RNF130: variants seen among roughly 807,000 people sequenced by gnomAD.
The protein encoded by RNF130 is E3 ubiquitin-protein ligase RNF130.
Under a neutral mutation model 44.6 loss-of-function variants are expected in RNF130, and 21 were observed. The observed-to-expected ratio is 0.47, with a 90% confidence interval of 0.33 to 0.68. The LOEUF is 0.68. Ranked by LOEUF, RNF130 falls within the 30% of genes least tolerant of loss-of-function variation. RNF130 has a pLI of 0.02. For missense variants in RNF130, 479 were observed against 560.6 expected, an observed-to-expected ratio of 0.85 and a Z score of 1.47; for synonymous variants, 214 against 210.4, an observed-to-expected ratio of 1.02 and a Z score of -0.15.
intron 1 of RNF130, among the ~76,000 whole-genome samples, chr5:180,050,129 G>A (rs1488930324): frequency 6.6e-6 from 1 of 152,182 alleles, no homozygotes; most frequent in Non-Finnish European, 1.5e-5. Context: ...CCTATGTCTA[G>A]CTCTATCTAG....
intron 3 of RNF130, among the ~76,000 whole-genome samples, chr5:180,009,818 AT>A (rs989843548): frequency 1.3e-5 from 2 of 152,238 alleles, no homozygotes; most frequent in Non-Finnish European, 2.9e-5. Context: ...CAGCTGCTTT[AT>A]TTGTAATAGC....
At position 179,977,131 on chromosome 5, in the gene RNF130, A is replaced by G. The variant is rs1288251875; in HGVS notation, c.848+1072T>C. On this transcript the variant is annotated intron_variant, in intron 5 of 8. Coordinates refer to ENST00000521389, the MANE Select transcript of RNF130 (RefSeq NM_018434.6). The surrounding 1 kb of genome is among the most constrained non-coding windows in gnomAD (Gnocchi z 4.1). ...GAATTGTGCGACCCTGGAACCTGCTATCGGCTCACCATCCTTCACTGTACA... is the reference window on the plus strand; with the variant it reads ...GAATTGTGCGACCCTGGAACCTGCTGTCGGCTCACCATCCTTCACTGTACA... The G allele has an allele frequency of 6.6e-6, 1 of 152,312 alleles. No homozygotes were observed. The highest frequency in any genetic ancestry group is 1.5e-5 in the Non-Finnish European group (1 of 68,098). The allele number at this position is 152,312 out of a possible 1,614,324, so 9.4% of individuals were successfully genotyped here. A position where few individuals can be genotyped will look rare whatever the true frequency, so the allele number is the denominator to read the frequency against.
At chr5:179,943,626 C>T (rs1425335361) in intron 7 of RNF130, among the ~76,000 whole-genome samples, 1 of 152,188 alleles carries the variant, frequency 6.6e-6, no homozygotes, top group African/African-American at 2.4e-5. Flanking sequence ...ATTTCATACA[C>T]AGAAAAGGTG....
intron 7 of RNF130, among the ~76,000 whole-genome samples, chr5:179,933,279 A>G (rs969299193): frequency 2.0e-5 from 3 of 147,170 alleles, no homozygotes; most frequent in African/African-American, 8.2e-5. Flanking sequence ...TCAATTTATT[A>G]CCTAGATGTA....
At chr5:179,988,676 G>T (rs1017730672) in intron 3 of RNF130, among the ~76,000 whole-genome samples, 4 of 152,196 alleles carry the variant, frequency 2.6e-5, no homozygotes, top group Admixed American at 1.3e-4. Flanking sequence ...TGATCATGTT[G>T]TTTAGTTTCC....
chr5:180,044,116 A>G (rs753888863), intron 1 of RNF130, among the ~76,000 whole-genome samples: 5 of 152,216 alleles, frequency 3.3e-5, no homozygotes, highest in Admixed American at 2.0e-4. Context: ...GTGAAGACAT[A>G]TTATGGTGTA....
At chr5:180,009,991 T>C (rs1243745912) in intron 3 of RNF130, among the ~76,000 whole-genome samples, 2 of 152,168 alleles carry the variant, frequency 1.3e-5, no homozygotes, top group South Asian at 2.1e-4. Flanking sequence ...CTCACGCCTG[T>C]AATCCCAGCA....
intron 5 of RNF130, among the ~76,000 whole-genome samples, chr5:179,974,795 C>A (rs1020433436): frequency 6.6e-6 from 1 of 152,216 alleles, no homozygotes; most frequent in African/African-American, 2.4e-5. Context: ...GAGCAGCCAG[C>A]CAAGAGAACG....
At chr5:180,006,528 G>A (rs1156773099) in intron 3 of RNF130, among the ~76,000 whole-genome samples, 1 of 152,034 alleles carries the variant, frequency 6.6e-6, no homozygotes, top group Admixed American at 6.6e-5. Context: ...CACATGTTAT[G>A]GCAAGAAGCT....
chr5:180,010,471 T>C (rs1763567126), intron 3 of RNF130, among the ~76,000 whole-genome samples: 1 of 152,016 alleles, frequency 6.6e-6, no homozygotes, highest in South Asian at 2.1e-4. Flanking sequence ...GCAATTCTCG[T>C]GCTTCAGCCT....
chr5:179,965,710 C>T (rs1762426599), intron 7 of RNF130, among the ~76,000 whole-genome samples: 1 of 152,128 alleles, frequency 6.6e-6, no homozygotes, highest in African/African-American at 2.4e-5. Flanking sequence ...GAGAAATGAG[C>T]CAAACTACAC....
chr5:180,065,559 G>A (rs574712383), intron 1 of RNF130, among the ~76,000 whole-genome samples: 1 of 152,108 alleles, frequency 6.6e-6, no homozygotes, highest in African/African-American at 2.4e-5. Flanking sequence ...AGGAGATCGA[G>A]ACCATCCTGG....
intron 1 of RNF130, among the ~76,000 whole-genome samples, chr5:180,061,146 G>C (rs1283857997): frequency 6.6e-6 from 1 of 150,680 alleles, no homozygotes; most frequent in African/African-American, 2.5e-5. Flanking sequence ...AGTAAAGACT[G>C]TGGGTGACGC....
chr5:180,034,741 T>C (rs1764209771), intron 2 of RNF130, among the ~76,000 whole-genome samples: 1 of 152,196 alleles, frequency 6.6e-6, no homozygotes, highest in African/African-American at 2.4e-5. Flanking sequence ...CATTACCTAA[T>C]AAGAGTGACT....
chr5:179,911,908 G>A (rs1761472533), exon 8 of RNF130: 2 of 152,316 alleles, frequency 1.3e-5, no homozygotes, highest in East Asian at 1.9e-4. Context: ...AGGGAGGCCC[G>A]AAACTGAGCT....
chr5:179,965,066 T>C (rs1762410315), intron 7 of RNF130, among the ~76,000 whole-genome samples: 1 of 152,238 alleles, frequency 6.6e-6, no homozygotes, highest in Admixed American at 6.5e-5. Context: ...ATATGCAGAC[T>C]ACCTTGTAGA....
chr5:180,027,256 C>G (rs922576135), intron 2 of RNF130, among the ~76,000 whole-genome samples: 2 of 152,050 alleles, frequency 1.3e-5, no homozygotes, highest in African/African-American at 4.8e-5. Context: ...ATTCTGACAC[C>G]AGGGTTCTTG....
intron 2 of RNF130, among the ~76,000 whole-genome samples, chr5:180,021,841 T>C (rs1427863213): frequency 1.3e-5 from 2 of 152,110 alleles, no homozygotes; most frequent in Non-Finnish European, 2.9e-5. Context: ...AATCCCGAAG[T>C]CCATCCAAGC....
intron 7 of RNF130, among the ~76,000 whole-genome samples, chr5:179,922,860 G>T (rs1761654167): frequency 7.4e-6 from 1 of 135,606 alleles, no homozygotes; most frequent in South Asian, 2.4e-4. Context: ...CTTGAGTCCG[G>T]GAAGCAGAGG....
Sources: gnomAD v4.1 joint callset for allele counts (sites outside exome capture counted in the v4.1 genomes callset) on GRCh38, gnomAD v4.1.1 for gene constraint, Gnocchi (gnomAD v3.1) non-coding constraint, MANE v1.5 for transcripts, NCBI Gene and HGNC (gene_info 2026-07-23, HGNC 2026-07-21) for gene names.